GRIN2B: variants seen among roughly 807,000 people sequenced by gnomAD.
The protein encoded by GRIN2B is glutamate receptor ionotropic, NMDA 2B.
GRIN2B carries 5 observed loss-of-function variants against 114.5 expected under a neutral mutation model. The observed-to-expected ratio is 0.04, with a 90% CI of 0.02 to 0.09. GRIN2B has a LOEUF of 0.09. GRIN2B is among the 10% of genes least tolerant of loss of function. The pLI is 1.00. For synonymous variants in GRIN2B, 787 were observed against 745.1 expected (o/e 1.06, Z -0.92); for missense variants, 1,108 against 1,943.5 (o/e 0.57, Z 8.08).
chr12:13,570,315 T>TGAAAATAATAACAGA (rs1446893016), intron 11 of GRIN2B, among the ~76,000 whole-genome samples: 1 of 152,130 alleles, frequency 6.6e-6, no homozygotes, highest in African/African-American at 2.4e-5. Context: ...AAGGGATCAA[T>TGAAAATAATAACAGA]AAAAATAATA....
At chr12:13,736,990 A>T (rs1008669150) in intron 4 of GRIN2B, among the ~76,000 whole-genome samples, 2 of 139,184 alleles carry the variant, frequency 1.4e-5, no homozygotes, top group African/African-American at 5.3e-5. Context: ...AGATTGCACC[A>T]TTGCACTCCA....
At chr12:13,682,767 T>C (rs780475814) in intron 4 of GRIN2B, among the ~76,000 whole-genome samples, 2 of 152,174 alleles carry the variant, frequency 1.3e-5, no homozygotes, top group Non-Finnish European at 2.9e-5. Flanking sequence ...CTGAACTGAA[T>C]TCATGAGAGG....
intron 9 of GRIN2B, 65 bp downstream of exon 9, chr12:13,611,660 A>G: frequency 6.8e-7 from 1 of 1,471,274 alleles, no homozygotes; most frequent in Non-Finnish European, 9.5e-7. Context: ...ACAAATGAGG[A>G]GTCCAGAGAT....
intron 3 of GRIN2B, among the ~76,000 whole-genome samples, chr12:13,820,503 T>C (rs1565550002): frequency 6.6e-6 from 1 of 152,240 alleles, no homozygotes; most frequent in Non-Finnish European, 1.5e-5. Context: ...TTTCTCTGTA[T>C]TCTGACAGCA....
At chr12:13,769,950 A>C (rs189146094) in intron 3 of GRIN2B, among the ~76,000 whole-genome samples, 7 of 152,330 alleles carry the variant, frequency 4.6e-5, no homozygotes, top group Admixed American at 2.0e-4. Context: ...AACTATGCGG[A>C]AAGTTAGCTA....
At chr12:13,870,945 T>C (rs575440758) in intron 2 of GRIN2B, among the ~76,000 whole-genome samples, 6 of 152,200 alleles carry the variant, frequency 3.9e-5, no homozygotes, top group African/African-American at 1.4e-4. Context: ...AATTTTAATA[T>C]CAAGACAAAA....
At chr12:13,602,174 T>C (rs1004107780) in intron 10 of GRIN2B, among the ~76,000 whole-genome samples, 1 of 152,158 alleles carries the variant, frequency 6.6e-6, no homozygotes, top group Non-Finnish European at 1.5e-5. Context: ...CCTCAGACAC[T>C]CCCAGGATTT....
chr12:13,866,279 GT>G, intron 2 of GRIN2B, 53 bp from the exon 3 acceptor site: 1 of 1,507,820 alleles, frequency 6.6e-7, no homozygotes, highest in South Asian at 1.1e-5. Context: ...CACGTAACCT[GT>G]CTTAGAAGAG....
intron 4 of GRIN2B, among the ~76,000 whole-genome samples, chr12:13,716,781 C>G (rs1041953139): frequency 6.6e-6 from 1 of 151,842 alleles, no homozygotes; most frequent in Non-Finnish European, 1.5e-5. Flanking sequence ...CCTATCATTC[C>G]ATTCCTGTCG....
intron 10 of GRIN2B, among the ~76,000 whole-genome samples, chr12:13,585,172 A>T (rs1948901928): frequency 1.3e-5 from 2 of 152,324 alleles, no homozygotes; most frequent in East Asian, 3.9e-4. Flanking sequence ...CAATGAATTT[A>T]GGGTTCTCCA....
intron 4 of GRIN2B, among the ~76,000 whole-genome samples, chr12:13,708,068 G>A (rs899031844): frequency 1.3e-5 from 2 of 152,054 alleles, no homozygotes; most frequent in South Asian, 2.1e-4. Context: ...GACTCAGCAG[G>A]TACAGACTTG....
intron 3 of GRIN2B, among the ~76,000 whole-genome samples, chr12:13,780,119 C>T (rs1864079658): frequency 6.6e-6 from 1 of 152,128 alleles, no homozygotes; most frequent in Admixed American, 6.5e-5. Flanking sequence ...AAATAATTAC[C>T]TAGAAGAGTA....
At position 13,557,487 on chromosome 12, in the gene GRIN2B, C is replaced by A. The variant is rs930610221; in HGVS notation, c.*5296G>T. ...GTATCACTAATTCAATTTGATTTTTCTAGCTGCCTACTCAGTAACATGTAA... is the reference window on the plus strand; with the variant it reads ...GTATCACTAATTCAATTTGATTTTTATAGCTGCCTACTCAGTAACATGTAA... On this transcript the variant is annotated 3_prime_UTR_variant, in exon 14 of 14. Coordinates refer to ENST00000609686, the MANE Select transcript of GRIN2B (RefSeq NM_000834.5). 6.6e-6 allele frequency: 1 copy of A among 152,188 alleles called. No homozygotes were observed. The highest frequency in any genetic ancestry group is 1.5e-5 in the Non-Finnish European group (1 of 68,030). 9.4% of individuals were successfully genotyped at this position (152,188 alleles called of 1,614,324 possible).
In GRIN2B at chr12:13,538,557, G is replaced by A. The variant is rs1359474333; in HGVS notation, c.*24226C>T. 6.6e-6 allele frequency: 1 copy of A among 152,166 alleles called. No individual in the cohort carries two copies. The highest frequency in any genetic ancestry group is 1.5e-5 in the Non-Finnish European group (1 of 68,032). 9.4% of individuals were successfully genotyped at this position (152,166 alleles called of 1,614,324 possible). On this transcript the variant is annotated 3_prime_UTR_variant, in exon 14 of 14. Transcript: ENST00000609686. The stretch of plus-strand genomic sequence containing the variant: ...AAGATGGGCACAGTGGCTCACACCT[G>A]TAATCCTAGCATCATAGGAAGCCGA...
chr12:13,571,832 C>T lies in GRIN2B; in HGVS notation c.2143G>A (p.Asp715Asn). 1 of 1,614,138 alleles carries T rather than the reference C, an allele frequency of 6.2e-7. No homozygotes were observed. Among genetic ancestry groups the T allele is most frequent in the Non-Finnish European group, 8.5e-7 (1 of 1,179,946 alleles). Residue 715 changes from aspartate (D) to asparagine (N), a missense_variant, in exon 11 of 14, where the codon GAT (aspartate) becomes AAT (asparagine). By Grantham distance (23) the Asp-to-Asn change is conservative. Around this residue, in one of 19 missense-constraint regions of GRIN2B, gnomAD observed 35 missense variants for 194.7 expected, o/e 0.18. Transcript: ENST00000609686. ...YMGKFNQRGVDDALLSLKTGK... is the reference protein window; with the variant it reads ...YMGKFNQRGVNDALLSLKTGK... ...GTTTTCAGGGAGAGCAATGCATCATCTACACCCCTCTGGTTGAACTTTCCC... is the reference window on the plus strand; with the variant it reads ...GTTTTCAGGGAGAGCAATGCATCATTTACACCCCTCTGGTTGAACTTTCCC...
At chr12:13,571,749 G>A (rs1437512913) in intron 11 of GRIN2B, 55 bp downstream of exon 11, 16 of 1,578,762 alleles carry the variant, frequency 1.0e-5, no homozygotes, top group African/African-American at 1.3e-5. Flanking sequence ...TCAATAGTAT[G>A]CTTAATAAAT....
rs1276563406 is a variant in GRIN2B, at chr12:13,594,669, A to AT, written c.2010+13933dup. On this transcript the variant is annotated intron_variant, in intron 10 of 13. Coordinates refer to ENST00000609686, the MANE Select transcript of GRIN2B (RefSeq NM_000834.5). The stretch of plus-strand genomic sequence containing the variant: ...GCACATGTACCCTAGAACTTAAAGT[A>AT]TTAAAAAAAAAAAAAGCCGCTCACA... Among the ~76,000 whole-genome samples, 121 of 128,314 alleles carry AT rather than the reference A, an allele frequency of 9.4e-4. 1 individual carries two copies. Among genetic ancestry groups the AT allele is most frequent in the Admixed American group, 9.0e-3 (114 of 12,614 alleles). 84.2% of individuals were successfully genotyped at this position (128,314 alleles called of 152,430 possible).
chr12:13,981,449 G>T lies in GRIN2B; in HGVS notation c.-555C>A, dbSNP rs1863137256. The T allele has an allele frequency of 6.6e-6, 1 of 152,186 alleles. No individual in the cohort carries two copies. Among genetic ancestry groups the T allele is most frequent in the African/African-American group, 2.4e-5 (1 of 41,428 alleles). The allele number at this position is 152,186 out of a possible 1,614,324, so 9.4% of individuals were successfully genotyped here. On this transcript the variant is annotated 5_prime_UTR_variant, in exon 1 of 14. Coordinates refer to ENST00000609686, the MANE Select transcript of GRIN2B (RefSeq NM_000834.5). ...GCAGGATTAATGATCCGTCTCGGGG[G>T]TTTTGAAGTTCATGACTCTTCTTTG...
rs4764008 is a variant in GRIN2B at position 13,543,308 on chromosome 12, C to G, written c.*19475G>C. On this transcript the variant is annotated 3_prime_UTR_variant, in exon 14 of 14. Coordinates refer to ENST00000609686, the MANE Select transcript of GRIN2B (RefSeq NM_000834.5). ...TCTCCAACCCACCTCCTAATTTCTA[C>G]GTTATTGCTTCTGACTCACTAACTG... The G allele has an allele frequency of 0.78, 118,857 of 152,092 alleles. 49,796 individuals carry two copies. Among genetic ancestry groups the G allele is most frequent in the East Asian group, 1 (5,153 of 5,156 alleles). The allele number at this position is 152,092 out of a possible 1,614,324, so 9.4% of individuals were successfully genotyped here. A position where few individuals can be genotyped will look rare whatever the true frequency, so the allele number is the denominator to read the frequency against.
Sources: gnomAD v4.1 joint callset for allele counts (sites outside exome capture counted in the v4.1 genomes callset) on GRCh38, gnomAD v4.1.1 for gene constraint, gnomAD v4.1.1 regional missense constraint, MANE v1.5 for transcripts, NCBI Gene and HGNC (gene_info 2026-07-23, HGNC 2026-07-21) for gene names.